Variants in GALNT7 observed in about 807,000 individuals in gnomAD.
The protein encoded by GALNT7 is polypeptide N-acetylgalactosaminyltransferase 7.
A neutral mutation model predicts 82.1 loss-of-function variants in GALNT7; 60 were observed. The ratio of observed to expected loss-of-function variants is 0.73; its 90% CI spans 0.59 to 0.91. GALNT7 has a LOEUF of 0.91. Ranked by LOEUF, GALNT7 falls within the 40% of genes least tolerant of loss-of-function variation. The probability of loss-of-function intolerance (pLI) is 0.00; values close to 1 mark genes in which losing one functional copy is unlikely to be tolerated. For synonymous variants in GALNT7, 243 were observed against 275.1 expected (o/e 0.88, Z 1.15); for missense variants, 660 against 804.2 (o/e 0.82, Z 2.17).
At chr4:173,211,876 C>G (rs1368265973) in intron 1 of GALNT7, among the ~76,000 whole-genome samples, 2 of 152,216 alleles carry the variant, frequency 1.3e-5, no homozygotes, top group Admixed American at 1.3e-4. Flanking sequence ...CTCTGGACAT[C>G]ATAACCAAAT....
At position 173,292,090 on chromosome 4, in the gene GALNT7, G is replaced by C; in HGVS notation, c.588-18G>C. The C allele has an allele frequency of 6.3e-7, 1 of 1,575,482 alleles. No homozygotes were observed. The highest frequency in any genetic ancestry group is 8.7e-7 in the Non-Finnish European group (1 of 1,150,040). On this transcript the variant is annotated intron_variant, in intron 2 of 11. Coordinates refer to ENST00000265000, the MANE Select transcript of GALNT7 (RefSeq NM_017423.3). This position sits in a 1 kb window ranked among gnomAD's most constrained non-coding sequence, Gnocchi z 4.8. ...TAGATTACCTGTAAATAAATATGAT[G>C]AAATTTTCTCTTTACAGATGCAAGT...
chr4:173,238,643 T>C (rs1325027674), intron 1 of GALNT7, among the ~76,000 whole-genome samples: 1 of 152,190 alleles, frequency 6.6e-6, no homozygotes, highest in Non-Finnish European at 1.5e-5. Context: ...TTATGTGTGA[T>C]TTTTTTCAAG....
intron 1 of GALNT7, among the ~76,000 whole-genome samples, chr4:173,183,269 TCA>T (rs570710131): frequency 5.5e-4 from 83 of 150,984 alleles, no homozygotes; most frequent in Admixed American, 1.9e-3. Flanking sequence ...ACTATTCCTC[TCA>T]CACGCTGCAC....
At chr4:173,263,238 A>G (rs910665099) in intron 2 of GALNT7, among the ~76,000 whole-genome samples, 1 of 152,212 alleles carries the variant, frequency 6.6e-6, no homozygotes, top group African/African-American at 2.4e-5. Context: ...AAGGTGAATA[A>G]TAAGTTTCCT....
chr4:173,255,246 G>A (rs573593519), intron 2 of GALNT7, among the ~76,000 whole-genome samples: 2 of 152,198 alleles, frequency 1.3e-5, no homozygotes, highest in South Asian at 4.1e-4. Context: ...ACCCTTGATA[G>A]GTTCTAGATG....
intron 8 of GALNT7, among the ~76,000 whole-genome samples, chr4:173,305,657 G>A (rs1170138769): frequency 2.0e-5 from 3 of 152,032 alleles, no homozygotes; most frequent in African/African-American, 7.2e-5. Context: ...AAGAGACTGT[G>A]TTTTCCCTCA....
intron 2 of GALNT7, among the ~76,000 whole-genome samples, chr4:173,257,861 CA>C (rs1198772828): frequency 6.6e-6 from 1 of 152,184 alleles, no homozygotes; most frequent in Non-Finnish European, 1.5e-5. Flanking sequence ...CCTGGAGATT[CA>C]CAAGTGTCAC....
At chr4:173,312,985 G>A (rs1422786787) in intron 8 of GALNT7, among the ~76,000 whole-genome samples, 1 of 152,008 alleles carries the variant, frequency 6.6e-6, no homozygotes, top group Non-Finnish European at 1.5e-5. Context: ...CTTGAACCTG[G>A]GAGGCAGAGG....
At chr4:173,211,543 A>G (rs1229436648) in intron 1 of GALNT7, among the ~76,000 whole-genome samples, 1 of 152,220 alleles carries the variant, frequency 6.6e-6, no homozygotes, top group Non-Finnish European at 1.5e-5. Context: ...ATGTAGACTA[A>G]TATTATACAC....
intron 1 of GALNT7, among the ~76,000 whole-genome samples, chr4:173,240,659 G>A (rs1402358389): frequency 6.6e-6 from 1 of 152,108 alleles, no homozygotes; most frequent in Non-Finnish European, 1.5e-5. Context: ...ATGAGCCACC[G>A]TGCCCAGCCG....
At chr4:173,176,280 TG>T (rs1356586447) in intron 1 of GALNT7, among the ~76,000 whole-genome samples, 3 of 152,118 alleles carry the variant, frequency 2.0e-5, no homozygotes, top group Non-Finnish European at 4.4e-5. Context: ...GAAGCCAGTA[TG>T]GCCGGAGTTT....
At chr4:173,266,326 T>C (rs745589981) in intron 2 of GALNT7, among the ~76,000 whole-genome samples, 3 of 152,178 alleles carry the variant, frequency 2.0e-5, no homozygotes, top group Non-Finnish European at 4.4e-5. Flanking sequence ...GGTTCCTTGG[T>C]ACTGTGAGAG....
At chr4:173,293,547 T>C (rs1360537638) in intron 3 of GALNT7, among the ~76,000 whole-genome samples, 2 of 152,232 alleles carry the variant, frequency 1.3e-5, no homozygotes, top group East Asian at 3.8e-4. Context: ...GATTTTTCTT[T>C]TAAAGACTAA....
chr4:173,243,078 C>T (rs890880247), intron 1 of GALNT7, among the ~76,000 whole-genome samples: 27 of 152,198 alleles, frequency 1.8e-4, no homozygotes, highest in African/African-American at 6.5e-4. Flanking sequence ...CATGTGACTG[C>T]ATAAGCTCAT....
chr4:173,282,134 A>G (rs11722602), intron 2 of GALNT7, among the ~76,000 whole-genome samples: 5,496 of 152,218 alleles, frequency 0.036, 137 homozygotes, highest in South Asian at 0.07. Context: ...AACTTCTCCT[A>G]TCAGTAAAGC....
At chr4:173,210,411 A>G (rs1733241672) in intron 1 of GALNT7, among the ~76,000 whole-genome samples, 1 of 152,216 alleles carries the variant, frequency 6.6e-6, no homozygotes, top group Non-Finnish European at 1.5e-5. Context: ...ACAAATCTCT[A>G]TCAAAAGCCA....
At chr4:173,232,966 C>T (rs886662737) in intron 1 of GALNT7, among the ~76,000 whole-genome samples, 1 of 152,160 alleles carries the variant, frequency 6.6e-6, no homozygotes, top group Non-Finnish European at 1.5e-5. Context: ...TTTTAGCTCT[C>T]GCGTATGAGT....
At chr4:173,288,066 G>A (rs1364804038) in intron 2 of GALNT7, among the ~76,000 whole-genome samples, 2 of 151,814 alleles carry the variant, frequency 1.3e-5, no homozygotes, top group Admixed American at 6.5e-5. Flanking sequence ...GGCGGATCAC[G>A]AGGTCAGGAG....
At chr4:173,194,225 T>C (rs909936912) in intron 1 of GALNT7, among the ~76,000 whole-genome samples, 13 of 152,368 alleles carry the variant, frequency 8.5e-5, no homozygotes, top group South Asian at 4.1e-4. Context: ...TTGGGGTTCT[T>C]ATTGTCAGAT....
Sources: gnomAD v4.1 joint callset for allele counts (sites outside exome capture counted in the v4.1 genomes callset) on GRCh38, gnomAD v4.1.1 for gene constraint, Gnocchi (gnomAD v3.1) non-coding constraint, MANE v1.5 for transcripts, NCBI Gene and HGNC (gene_info 2026-07-23, HGNC 2026-07-21) for gene names.